SAMMSON: variants seen among roughly 807,000 people sequenced by gnomAD.
SAMMSON encodes long intergenic non-protein coding RNA 1212.
In SAMMSON at chr3:70,032,870, CA is replaced by C. The variant is rs989721310; in HGVS notation, n.417+19201del. Among the ~76,000 whole-genome samples, 240 of 152,224 alleles carry C rather than the reference CA, an allele frequency of 1.6e-3. 2 individuals carry two copies. Among genetic ancestry groups the C allele is most frequent in the Admixed American group, 0.015 (235 of 15,286 alleles). On this transcript the variant is annotated intron_variant and non_coding_transcript_variant, in intron 3 of 9. Transcript: ENST00000642114. The stretch of plus-strand genomic sequence containing the variant: ...CCTTGGGAGAGCTCTTCTCTTTGGA[CA>C]AATAAAGGAAAACTTCGCAATGATG...
At chr3:70,067,417 A>G (rs1164843518) in intron 3 of SAMMSON, among the ~76,000 whole-genome samples, 1 of 152,060 alleles carries the variant, frequency 6.6e-6, no homozygotes, top group Non-Finnish European at 1.5e-5. Flanking sequence ...GGGTAACAAT[A>G]GGTACTGGTT....
At chr3:70,245,358 T>C (rs977025756) in intron 4 of SAMMSON, among the ~76,000 whole-genome samples, 1 of 151,986 alleles carries the variant, frequency 6.6e-6, no homozygotes, top group Non-Finnish European at 1.5e-5. Flanking sequence ...TAACAAAATA[T>C]TAGAATATTA....
intron 6 of SAMMSON, among the ~76,000 whole-genome samples, chr3:70,268,997 GT>G (rs1559549687): frequency 6.6e-6 from 1 of 151,890 alleles, no homozygotes; most frequent in African/African-American, 2.4e-5. Context: ...ATATTACAAA[GT>G]TTAAATAAAA....
intron 4 of SAMMSON, among the ~76,000 whole-genome samples, chr3:70,147,405 C>T (rs888555577): frequency 6.6e-6 from 1 of 151,970 alleles, no homozygotes; most frequent in Admixed American, 6.6e-5. Flanking sequence ...TCAATCTACT[C>T]AATTTTTGGA....
At chr3:70,166,403 A>G (rs1056737017) in intron 4 of SAMMSON, among the ~76,000 whole-genome samples, 6 of 152,000 alleles carry the variant, frequency 3.9e-5, no homozygotes, top group African/African-American at 1.4e-4. Context: ...CCCCTGGGCA[A>G]TTTTGCTTTC....
intron 7 of SAMMSON, among the ~76,000 whole-genome samples, chr3:70,321,015 G>C (rs1242443522): frequency 6.6e-6 from 1 of 151,992 alleles, no homozygotes; most frequent in African/African-American, 2.4e-5. Context: ...ACCTGGGCAA[G>C]TCAGAAACAC....
intron 4 of SAMMSON, among the ~76,000 whole-genome samples, chr3:70,081,095 C>T (rs1292542065): frequency 6.6e-6 from 1 of 152,054 alleles, no homozygotes; most frequent in Non-Finnish European, 1.5e-5. Flanking sequence ...TTCTTCATAG[C>T]TTTCTTTGTT....
At chr3:70,324,142 C>G (rs957314222) in intron 7 of SAMMSON, among the ~76,000 whole-genome samples, 2 of 148,954 alleles carry the variant, frequency 1.3e-5, no homozygotes, top group African/African-American at 5.0e-5. Flanking sequence ...GTAACAGACC[C>G]CTTTACATCT....
At position 70,017,219 on chromosome 3, in the gene SAMMSON, G is replaced by A. The variant is rs534315306; in HGVS notation, n.417+3547G>A. Among the ~76,000 whole-genome samples, 30 of 152,270 alleles carry A rather than the reference G, an allele frequency of 2.0e-4. No homozygotes were observed. In the South Asian group the frequency reaches 6.2e-3, roughly 32 times the overall value. ...CGATATTGATTCTTCCTACCCATGAGCATGGAATGTTATTCCATTTGTTTG... is the reference window on the plus strand; with the variant it reads ...CGATATTGATTCTTCCTACCCATGAACATGGAATGTTATTCCATTTGTTTG... On this transcript the variant is annotated intron_variant and non_coding_transcript_variant, in intron 3 of 9. Transcript: ENST00000642114.
At position 70,327,048 on chromosome 3, in the gene SAMMSON, G is replaced by T. The variant is rs111446237; in HGVS notation, n.740-27127G>T. Among the ~76,000 whole-genome samples, 372 of 152,202 alleles carry T rather than the reference G, an allele frequency of 2.4e-3. 3 individuals carry two copies. The highest frequency in any genetic ancestry group is 8.6e-3 in the African/African-American group (356 of 41,534). On this transcript the variant is annotated intron_variant and non_coding_transcript_variant, in intron 7 of 9. Coordinates refer to ENST00000642114, the Ensembl canonical transcript of SAMMSON. ...TAATCTTTGATTTTCAGTAGAGATG[G>T]GGTTTCGCCATGTTGACCAGGCTGG...
At position 70,004,954 on chromosome 3, in the gene SAMMSON, C is replaced by A. The variant is rs113155444; in HGVS notation, n.22+5087C>A. Among the ~76,000 whole-genome samples the A allele has an allele frequency of 5.3e-5, 8 of 152,260 alleles. 1 individual carries two copies. Among genetic ancestry groups the A allele is most frequent in the African/African-American group, 1.9e-4 (8 of 41,558 alleles). On this transcript the variant is annotated intron_variant and non_coding_transcript_variant, in intron 1 of 9. Transcript: ENST00000642114. The stretch of plus-strand genomic sequence containing the variant: ...ATTTTACTGATGACAAAATGGAAGC[C>A]CAAAGGGGGAACTGCTTTATCCAGC...
At chr3:70,424,004 G>A (rs1293471720) in intron 2 of SAMMSON, among the ~76,000 whole-genome samples, 3 of 152,130 alleles carry the variant, frequency 2.0e-5, no homozygotes, top group Non-Finnish European at 4.4e-5. Flanking sequence ...ACTCTATAGT[G>A]ATAGAAGTTA....
rs139107200 is a variant in SAMMSON, at chr3:70,098,584, G to A, written n.507+27019G>A. 6.6e-3 allele frequency among the ~76,000 whole-genome samples: 1,008 copies of A among 152,134 alleles called. 4 individuals are homozygous for A. Among genetic ancestry groups the A allele is most frequent in the Non-Finnish European group, 9.5e-3 (647 of 68,010 alleles). On this transcript the variant is annotated intron_variant and non_coding_transcript_variant, in intron 4 of 9. Coordinates refer to ENST00000642114, the Ensembl canonical transcript of SAMMSON. ...GGGTTTCACCATCTTGGCCAGGTTG[G>A]TCTTAAACTCCTGACATTGTGATCC...
intron 2 of SAMMSON, among the ~76,000 whole-genome samples, chr3:70,406,031 T>G (rs1047183927): frequency 6.6e-6 from 1 of 152,186 alleles, no homozygotes; most frequent in Admixed American, 6.5e-5. Flanking sequence ...TCTTGAAAAT[T>G]GCTGAAAGAA....
intron 4 of SAMMSON, among the ~76,000 whole-genome samples, chr3:70,173,211 T>C (rs1487201339): frequency 6.6e-6 from 1 of 152,002 alleles, no homozygotes; most frequent in East Asian, 1.9e-4. Flanking sequence ...TAATAGATTG[T>C]AATACAGGTA....
chr3:70,149,966 T>C (rs2067564629), intron 4 of SAMMSON, among the ~76,000 whole-genome samples: 1 of 152,118 alleles, frequency 6.6e-6, no homozygotes, highest in African/African-American at 2.4e-5. Flanking sequence ...CTAAATTACG[T>C]GTCCAGCTCT....
chr3:70,071,732 T>C (rs897623497), intron 4 of SAMMSON: 8 of 152,076 alleles, frequency 5.3e-5, no homozygotes, highest in Non-Finnish European at 7.4e-5. Context: ...AACAAAGATA[T>C]GTCATCATGC....
At chr3:70,277,967 T>A (rs1056998987) in intron 6 of SAMMSON, among the ~76,000 whole-genome samples, 1 of 152,256 alleles carries the variant, frequency 6.6e-6, no homozygotes, top group Non-Finnish European at 1.5e-5. Context: ...AGCTACAACT[T>A]ACATAAAATA....
At chr3:70,294,555 G>A (rs1659261110) in intron 7 of SAMMSON, among the ~76,000 whole-genome samples, 1 of 152,132 alleles carries the variant, frequency 6.6e-6, no homozygotes, top group Non-Finnish European at 1.5e-5. Flanking sequence ...TGGGTGTGAA[G>A]TGCTCTTCAT....
Sources: allele counts gnomAD v4.1 joint callset (sites outside exome capture counted in the v4.1 genomes callset), GRCh38; gene constraint gnomAD v4.1.1; transcripts MANE v1.5; gene names NCBI Gene and HGNC (gene_info 2026-07-23, HGNC 2026-07-21).